The following DGKB variants were observed in gnomAD, a reference collection of about 807,000 sequenced individuals.
The protein encoded by DGKB is diacylglycerol kinase beta, also known as 90 kDa diacylglycerol kinase.
DGKB carries 67 observed loss-of-function variants against 114.3 expected under a neutral mutation model. That is an observed-to-expected ratio of 0.59 (90% CI 0.48 to 0.72). The LOEUF (loss-of-function observed/expected upper bound fraction) is 0.72, where lower values mean the gene tolerates loss of function less well. DGKB is among the 30% of genes least tolerant of loss of function. The probability of loss-of-function intolerance (pLI) is 0.00; values close to 1 mark genes in which losing one functional copy is unlikely to be tolerated. For synonymous variants in DGKB, 398 were observed against 323.1 expected (o/e 1.23, Z -2.49); for missense variants, 907 against 975.2 (o/e 0.93, Z 0.93).
At chr7:14,472,749 C>T (rs1290756531) in intron 21 of DGKB, among the ~76,000 whole-genome samples, 2 of 151,974 alleles carry the variant, frequency 1.3e-5, no homozygotes, top group East Asian at 3.9e-4. Flanking sequence ...GAGGTGGTCT[C>T]AGGTGGAGAT....
intron 25 of DGKB, among the ~76,000 whole-genome samples, chr7:14,164,773 G>C (rs945319326): frequency 1.3e-5 from 2 of 151,848 alleles, no homozygotes; most frequent in African/African-American, 4.8e-5. Context: ...GTATAATTGG[G>C]GATTACAGGG....
intron 19 of DGKB, among the ~76,000 whole-genome samples, chr7:14,577,045 T>C (rs1799227909): frequency 6.6e-6 from 1 of 152,124 alleles, no homozygotes; most frequent in Admixed American, 6.6e-5. Context: ...TAACTATTAA[T>C]AGGGTTCCTG....
intron 1 of DGKB, among the ~76,000 whole-genome samples, chr7:14,941,321 C>A (rs1785560422): frequency 6.6e-6 from 1 of 151,962 alleles, no homozygotes; most frequent in African/African-American, 2.4e-5. Flanking sequence ...AAACTGACAG[C>A]CTTATCCACA....
chr7:14,369,940 G>A (rs904271813), intron 21 of DGKB, among the ~76,000 whole-genome samples: 7 of 152,098 alleles, frequency 4.6e-5, no homozygotes, highest in Admixed American at 3.3e-4. Context: ...TGCAGAAGCT[G>A]TTTCATTTCA....
At chr7:14,794,894 C>G (rs951410080) in intron 2 of DGKB, among the ~76,000 whole-genome samples, 3 of 152,114 alleles carry the variant, frequency 2.0e-5, no homozygotes, top group African/African-American at 7.2e-5. Context: ...ACAGTGACAG[C>G]AGTATTCCCA....
At chr7:14,254,449 A>C (rs2128398112) in intron 23 of DGKB, among the ~76,000 whole-genome samples, 1 of 152,320 alleles carries the variant, frequency 6.6e-6, no homozygotes, top group African/African-American at 2.4e-5. Flanking sequence ...AATGGACCAC[A>C]GAATATAGAA....
At chr7:14,179,150 G>A (rs190979695) in intron 23 of DGKB, among the ~76,000 whole-genome samples, 5 of 152,260 alleles carry the variant, frequency 3.3e-5, no homozygotes, top group South Asian at 2.1e-4. Context: ...GTTGGACTGC[G>A]TGAGCTTCAA....
chr7:14,720,288 T>C lies in DGKB; in HGVS notation c.323-1603A>G, dbSNP rs192197189. Among the ~76,000 whole-genome samples the C allele has an allele frequency of 5.3e-5, 8 of 152,058 alleles. No individual in the cohort carries two copies. The East Asian group carries it at 1.4e-3, about 26-fold the overall frequency. Reference sequence around the variant, plus strand: ...AAAAACACGGCTTTGGGTCTTTCCATCCTTTTTTATTTTTAATTTTTTTTA... The same window carrying C: ...AAAAACACGGCTTTGGGTCTTTCCACCCTTTTTTATTTTTAATTTTTTTTA... On this transcript the variant is annotated intron_variant, in intron 5 of 25. Transcript: ENST00000402815.
intron 20 of DGKB, among the ~76,000 whole-genome samples, chr7:14,561,575 T>C (rs1473181912): frequency 6.6e-6 from 1 of 152,104 alleles, no homozygotes; most frequent in Non-Finnish European, 1.5e-5. Flanking sequence ...GATAGTGATA[T>C]GGACAATAAG....
intron 23 of DGKB, among the ~76,000 whole-genome samples, chr7:14,240,837 A>G (rs572363395): frequency 1.3e-5 from 2 of 152,120 alleles, no homozygotes; most frequent in African/African-American, 4.8e-5. Context: ...GTTGCTATTA[A>G]AATATATATA....
intron 25 of DGKB, among the ~76,000 whole-genome samples, chr7:14,151,575 A>G (rs1782217082): frequency 2.0e-5 from 3 of 152,072 alleles, no homozygotes; most frequent in Non-Finnish European, 2.9e-5. Flanking sequence ...GTAAAACACA[A>G]GTTCTAGTTT....
At chr7:14,322,930 G>A (rs1366005401) in intron 23 of DGKB, among the ~76,000 whole-genome samples, 1 of 152,158 alleles carries the variant, frequency 6.6e-6, no homozygotes, top group Non-Finnish European at 1.5e-5. Context: ...AGAAGATGTA[G>A]AGCAGTGATA....
chr7:14,587,140 A>G (rs1800909689), intron 17 of DGKB, among the ~76,000 whole-genome samples: 1 of 152,198 alleles, frequency 6.6e-6, no homozygotes, highest in Non-Finnish European at 1.5e-5. Flanking sequence ...GGTGTCATTA[A>G]GAACATTCAT....
chr7:14,625,573 T>A (rs1808428590), intron 14 of DGKB, among the ~76,000 whole-genome samples: 1 of 152,152 alleles, frequency 6.6e-6, no homozygotes, highest in Non-Finnish European at 1.5e-5. Context: ...AGGATAAAAT[T>A]GCTCTCTGAT....
At chr7:14,897,407 AC>A (rs1782276282) in intron 1 of DGKB, among the ~76,000 whole-genome samples, 2 of 151,846 alleles carry the variant, frequency 1.3e-5, no homozygotes. Context: ...GATATGATTC[AC>A]TATTTATGAG....
intron 20 of DGKB, among the ~76,000 whole-genome samples, 160 bp from the exon 21 acceptor site, chr7:14,478,385 T>G (rs1453027325): frequency 6.6e-6 from 1 of 152,046 alleles, no homozygotes; most frequent in Non-Finnish European, 1.5e-5. Context: ...GTGTGATCCA[T>G]ATGCAGAAGT....
intron 23 of DGKB, among the ~76,000 whole-genome samples, chr7:14,188,945 C>T (rs532267121): frequency 1.3e-5 from 2 of 151,906 alleles, no homozygotes; most frequent in East Asian, 3.9e-4. Context: ...AGATATTTTT[C>T]CAGAAATGAA....
At chr7:14,210,526 A>G (rs765942653) in intron 23 of DGKB, among the ~76,000 whole-genome samples, 2 of 152,084 alleles carry the variant, frequency 1.3e-5, no homozygotes, top group Admixed American at 6.6e-5. Flanking sequence ...TGTTGCCAGA[A>G]TCACAACAGA....
chr7:14,800,867 A>G lies in DGKB; in HGVS notation c.70+40327T>C, dbSNP rs116227145. On this transcript the variant is annotated intron_variant, in intron 2 of 25. Coordinates refer to ENST00000402815, the MANE Select transcript of DGKB (RefSeq NM_001350709.2). Reference sequence around the variant, plus strand: ...CCAGGCAGAAATAGTAATGGCCCCAATCCTTCAGGAATGGAGGTGTGAGTC... The same window carrying G: ...CCAGGCAGAAATAGTAATGGCCCCAGTCCTTCAGGAATGGAGGTGTGAGTC... 2.9e-3 allele frequency among the ~76,000 whole-genome samples: 447 copies of G among 152,236 alleles called. 1 individual carries two copies. The highest frequency in any genetic ancestry group is 9.8e-3 in the African/African-American group (406 of 41,554).
Sources: gnomAD v4.1 joint callset for allele counts (sites outside exome capture counted in the v4.1 genomes callset) on GRCh38, gnomAD v4.1.1 for gene constraint, MANE v1.5 for transcripts, NCBI Gene and HGNC (gene_info 2026-07-23, HGNC 2026-07-21) for gene names.